Variants in LRBA observed in about 807,000 individuals in gnomAD.
LRBA encodes the protein LPS responsive beige-like anchor protein.
In LRBA, 176 loss-of-function variants were observed where a neutral mutation model predicts 330.0. That is an observed-to-expected ratio of 0.53 (90% CI 0.47 to 0.60). The LOEUF (loss-of-function observed/expected upper bound fraction) is 0.60. Among genes scored for constraint, LRBA ranks in the 20% least tolerant of loss-of-function variants. The pLI is 0.00. For synonymous variants in LRBA, 1,230 were observed against 1,193.0 expected (o/e 1.03, Z -0.64); for missense variants, 3,259 against 3,444.8 (o/e 0.95, Z 1.35).
At chr4:150,436,960 G>T in intron 44 of LRBA, 96 bp from the exon 45 acceptor site, 1 of 1,139,432 alleles carries the variant, frequency 8.8e-7, no homozygotes, top group Admixed American at 2.3e-5. Context: ...AAGTATAAAA[G>T]TGAATTTTAA....
intron 31 of LRBA, among the ~76,000 whole-genome samples, chr4:150,809,886 ATACGATACGATACGATACGATACG>A (rs1560850051): frequency 3.4e-5 from 5 of 148,274 alleles, no homozygotes; most frequent in African/African-American, 1.0e-4. Context: ...ATACGATACG[ATACGATACGATACGATACGATACG>A]ATACGATACG....
intron 53 of LRBA, among the ~76,000 whole-genome samples, chr4:150,292,061 C>T (rs555612008): frequency 1.3e-5 from 2 of 152,272 alleles, no homozygotes; most frequent in Non-Finnish European, 2.9e-5. Flanking sequence ...AATATTTTAA[C>T]ACCACTTGGC....
intron 46 of LRBA, among the ~76,000 whole-genome samples, chr4:150,434,750 C>T (rs1471396782): frequency 6.6e-6 from 1 of 151,890 alleles, no homozygotes; most frequent in Non-Finnish European, 1.5e-5. Flanking sequence ...ACTCAGGAGG[C>T]TGAGGCAGGA....
At chr4:150,446,869 C>A (rs1009159777) in intron 44 of LRBA, among the ~76,000 whole-genome samples, 4 of 152,176 alleles carry the variant, frequency 2.6e-5, no homozygotes, top group African/African-American at 9.7e-5. Flanking sequence ...AGAGAACTTA[C>A]ATTTTACCCT....
At chr4:150,328,512 A>G (rs920188121) in intron 48 of LRBA, among the ~76,000 whole-genome samples, 2 of 152,164 alleles carry the variant, frequency 1.3e-5, no homozygotes, top group African/African-American at 4.8e-5. Flanking sequence ...AGATAGGGTT[A>G]TTCAACTTTA....
intron 40 of LRBA, among the ~76,000 whole-genome samples, chr4:150,524,499 C>CA (rs1763252937): frequency 6.6e-6 from 1 of 152,054 alleles, no homozygotes; most frequent in African/African-American, 2.4e-5. Flanking sequence ...GTGTTCTACC[C>CA]AATAGAAAAT....
At chr4:150,315,380 C>T (rs973484595) in intron 51 of LRBA, 181 bp downstream of exon 51, 42 of 650,640 alleles carry the variant, frequency 6.5e-5, no homozygotes, top group Non-Finnish European at 9.9e-5. Context: ...GGCAAACCAA[C>T]GAGGGGGAGT....
At chr4:150,337,497 T>G (rs555228509) in intron 48 of LRBA, among the ~76,000 whole-genome samples, 1 of 152,288 alleles carries the variant, frequency 6.6e-6, no homozygotes, top group South Asian at 2.1e-4. Flanking sequence ...ATTATTGTGG[T>G]TTTGAAGTAA....
At chr4:150,505,691 A>G (rs2152122914) in intron 40 of LRBA, among the ~76,000 whole-genome samples, 1 of 152,310 alleles carries the variant, frequency 6.6e-6, no homozygotes, top group African/African-American at 2.4e-5. Context: ...AAGAGCAAAC[A>G]CATTCAAAAG....
chr4:150,978,113 C>T (rs544703229), intron 2 of LRBA, among the ~76,000 whole-genome samples: 1 of 152,352 alleles, frequency 6.6e-6, no homozygotes, highest in East Asian at 1.9e-4. Flanking sequence ...CAGATCTGAC[C>T]CAGCACAGTC....
At chr4:150,951,907 GT>G (rs1736876100) in intron 2 of LRBA, among the ~76,000 whole-genome samples, 1 of 152,024 alleles carries the variant, frequency 6.6e-6, no homozygotes, top group African/African-American at 2.4e-5. Context: ...GCTTACTTAT[GT>G]TTCTAAAAAA....
At chr4:150,897,465 C>T (rs546603276) in intron 15 of LRBA, among the ~76,000 whole-genome samples, 1 of 151,948 alleles carries the variant, frequency 6.6e-6, no homozygotes, top group Non-Finnish European at 1.5e-5. Flanking sequence ...CTAACAGAAA[C>T]ATAGTAAATA....
intron 47 of LRBA, among the ~76,000 whole-genome samples, chr4:150,364,637 G>A (rs548955275): frequency 5.8e-4 from 88 of 152,146 alleles, no homozygotes; most frequent in Non-Finnish European, 1.0e-3. Context: ...TAAATCTGGT[G>A]TGCCATGTTG....
chr4:150,754,107 T>C (rs1733936690), intron 35 of LRBA, among the ~76,000 whole-genome samples: 1 of 147,196 alleles, frequency 6.8e-6, no homozygotes, highest in Non-Finnish European at 1.5e-5. Context: ...CATTTAAATA[T>C]AAAATCCCAT....
At chr4:150,501,182 T>C (rs1456751784) in intron 40 of LRBA, among the ~76,000 whole-genome samples, 1 of 152,188 alleles carries the variant, frequency 6.6e-6, no homozygotes, top group East Asian at 1.9e-4. Context: ...CAATCCTCAC[T>C]AGATTGGAGT....
intron 2 of LRBA, among the ~76,000 whole-genome samples, chr4:150,938,934 T>C (rs1189136904): frequency 1.3e-5 from 2 of 152,192 alleles, no homozygotes; most frequent in African/African-American, 2.4e-5. Context: ...AAAAAATATA[T>C]ATTATCTATA....
intron 36 of LRBA, among the ~76,000 whole-genome samples, chr4:150,686,407 A>G (rs1319527286): frequency 6.6e-6 from 1 of 152,238 alleles, no homozygotes; most frequent in Non-Finnish European, 1.5e-5. Context: ...CAAAAATATG[A>G]TTTGAGCAAA....
intron 28 of LRBA, among the ~76,000 whole-genome samples, chr4:150,843,020 T>C (rs543932593): frequency 6.6e-6 from 1 of 152,224 alleles, no homozygotes; most frequent in South Asian, 2.1e-4. Context: ...CAGTTCACAA[T>C]AGGGTTCGTG....
At chr4:150,558,114 G>A (rs1309648320) in intron 40 of LRBA, among the ~76,000 whole-genome samples, 2 of 152,016 alleles carry the variant, frequency 1.3e-5, no homozygotes, top group Admixed American at 6.6e-5. Context: ...GGCCAGGCTG[G>A]TCTCCAACTC....
Sources: gnomAD v4.1 joint callset for allele counts (sites outside exome capture counted in the v4.1 genomes callset) on GRCh38, gnomAD v4.1.1 for gene constraint, MANE v1.5 for transcripts, NCBI Gene and HGNC (gene_info 2026-07-23, HGNC 2026-07-21) for gene names.